BTBD9: variants seen among roughly 807,000 people sequenced by gnomAD.
BTBD9 encodes BTB/POZ domain-containing protein 9.
In BTBD9, 49 loss-of-function variants were observed where a neutral mutation model predicts 64.3. The observed-to-expected ratio is 0.76, with a 90% confidence interval of 0.61 to 0.97. The LOEUF is 0.97. Among genes scored for constraint, BTBD9 ranks in the 50% least tolerant of loss-of-function variants. The pLI is 0.00. For missense variants in BTBD9, 598 were observed against 762.1 expected, an observed-to-expected ratio of 0.78 and a Z score of 2.53; for synonymous variants, 260 against 274.7, an observed-to-expected ratio of 0.95 and a Z score of 0.53.
chr6:38,221,972 A>G (rs1021492270), intron 9 of BTBD9, among the ~76,000 whole-genome samples: 2 of 152,134 alleles, frequency 1.3e-5, no homozygotes, highest in Admixed American at 1.3e-4. Context: ...GCCTGGTGAC[A>G]GAGAGAGACT....
In BTBD9 at chr6:38,496,511, C is replaced by T. The variant is rs1402831194; in HGVS notation, c.1154+81089G>A. ...AAAATTAAATTAAATTAGCTGGGCA[C>T]GGTGGCACACACATGTAGTCCCAAC... is the stretch of plus-strand genomic sequence containing the variant. On this transcript the variant is annotated intron_variant, in intron 6 of 10. Transcript: ENST00000481247. Among the ~76,000 whole-genome samples the T allele has an allele frequency of 4.0e-5, 6 of 151,634 alleles. No homozygotes were observed. The East Asian group carries it at 9.7e-4, about 24-fold the overall frequency.
chr6:38,498,454 T>C (rs1772051156), intron 6 of BTBD9, among the ~76,000 whole-genome samples: 1 of 58,852 alleles, frequency 1.7e-5, no homozygotes, highest in African/African-American at 5.4e-5. Context: ...TTCTATCTAG[T>C]ACTAAAAAAA....
At chr6:38,411,269 C>T (rs1582385177) in intron 6 of BTBD9, among the ~76,000 whole-genome samples, 1 of 152,042 alleles carries the variant, frequency 6.6e-6, no homozygotes, top group African/African-American at 2.4e-5. Flanking sequence ...GCCAAGAAAA[C>T]CCTGAAAAAG....
At chr6:38,469,025 A>G (rs1008323896) in intron 6 of BTBD9, among the ~76,000 whole-genome samples, 5 of 152,142 alleles carry the variant, frequency 3.3e-5, no homozygotes, top group African/African-American at 1.2e-4. Flanking sequence ...TTACTAAGGA[A>G]ATAAAATATC....
chr6:38,479,767 C>T (rs532294720), intron 6 of BTBD9, among the ~76,000 whole-genome samples: 8 of 152,188 alleles, frequency 5.3e-5, no homozygotes, highest in Non-Finnish European at 7.3e-5. Context: ...CTGGCTCTGT[C>T]GCCCAGGCTA....
chr6:38,501,732 T>A (rs1002136939), intron 6 of BTBD9, among the ~76,000 whole-genome samples: 1 of 152,204 alleles, frequency 6.6e-6, no homozygotes, highest in South Asian at 2.1e-4. Context: ...ACAGGCTCCA[T>A]CACCTGTTCT....
chr6:38,457,101 G>C (rs948929630), intron 6 of BTBD9, among the ~76,000 whole-genome samples: 1 of 152,130 alleles, frequency 6.6e-6, no homozygotes, highest in African/African-American at 2.4e-5. Context: ...AGGACAAGAA[G>C]GTAGAACATC....
chr6:38,532,065 A>C (rs1433433775), intron 6 of BTBD9, among the ~76,000 whole-genome samples: 2 of 152,184 alleles, frequency 1.3e-5, no homozygotes, highest in Admixed American at 6.5e-5. Context: ...TGAATTGCCA[A>C]CACCACCCCC....
intron 1 of BTBD9, among the ~76,000 whole-genome samples, chr6:38,607,643 GAA>G (rs1226656236): frequency 1.3e-5 from 2 of 149,970 alleles, no homozygotes; most frequent in African/African-American, 4.8e-5. Context: ...CATCTTTTGA[GAA>G]GTGTTCTTCT....
At chr6:38,413,930 G>C (rs866889844) in intron 6 of BTBD9, among the ~76,000 whole-genome samples, 1 of 151,948 alleles carries the variant, frequency 6.6e-6, no homozygotes, top group Non-Finnish European at 1.5e-5. Context: ...TGGGGTTTTC[G>C]TGAAGACTGA....
intron 6 of BTBD9, among the ~76,000 whole-genome samples, chr6:38,528,418 C>A (rs1773614338): frequency 6.6e-6 from 1 of 152,266 alleles, no homozygotes; most frequent in South Asian, 2.1e-4. Context: ...ACCTGGGGGG[C>A]ACGTGACCCA....
chr6:38,559,342 A>AG (rs1775168397), intron 6 of BTBD9, among the ~76,000 whole-genome samples: 1 of 151,640 alleles, frequency 6.6e-6, no homozygotes, highest in African/African-American at 2.4e-5. Context: ...CATACAGGGA[A>AG]AAAAAAAACT....
At chr6:38,605,895 G>A (rs1777415536) in intron 1 of BTBD9, among the ~76,000 whole-genome samples, 1 of 152,184 alleles carries the variant, frequency 6.6e-6, no homozygotes, top group South Asian at 2.1e-4. Context: ...TGAGGGTGTT[G>A]CCAAAGAAGA....
At chr6:38,616,719 A>G (rs1423818393) in intron 1 of BTBD9, among the ~76,000 whole-genome samples, 1 of 152,162 alleles carries the variant, frequency 6.6e-6, no homozygotes, top group African/African-American at 2.4e-5. Flanking sequence ...GAAACATGGG[A>G]GGGGACAATA....
At chr6:38,410,889 A>G (rs920816208) in intron 6 of BTBD9, among the ~76,000 whole-genome samples, 4 of 152,090 alleles carry the variant, frequency 2.6e-5, no homozygotes, top group African/African-American at 9.7e-5. Context: ...AAAAACAAGA[A>G]AATATCATGT....
intron 8 of BTBD9, among the ~76,000 whole-genome samples, chr6:38,269,105 C>T (rs73412524): frequency 0.011 from 1,679 of 152,212 alleles, 34 homozygotes; most frequent in African/African-American, 0.038. Context: ...AGAATAAGTA[C>T]ATTTTTCTGT....
At chr6:38,212,327 A>C (rs1762862027) in intron 9 of BTBD9, among the ~76,000 whole-genome samples, 1 of 152,120 alleles carries the variant, frequency 6.6e-6, no homozygotes, top group Non-Finnish European at 1.5e-5. Flanking sequence ...CTGTGGTTTC[A>C]TGTGTGTGAA....
intron 1 of BTBD9, among the ~76,000 whole-genome samples, chr6:38,619,752 G>A (rs1371674073): frequency 6.6e-6 from 1 of 152,166 alleles, no homozygotes; most frequent in Non-Finnish European, 1.5e-5. Context: ...CTGTCCCCAA[G>A]GTACATTACC....
At chr6:38,436,248 C>T (rs920194100) in intron 6 of BTBD9, among the ~76,000 whole-genome samples, 4 of 151,930 alleles carry the variant, frequency 2.6e-5, no homozygotes, top group Non-Finnish European at 5.9e-5. Context: ...TTCCAATTTC[C>T]TGTCTTAAAT....
Sources: gnomAD v4.1 joint callset for allele counts (sites outside exome capture counted in the v4.1 genomes callset) on GRCh38, gnomAD v4.1.1 for gene constraint, MANE v1.5 for transcripts, NCBI Gene and HGNC (gene_info 2026-07-23, HGNC 2026-07-21) for gene names.